Variants in RAB15 observed in about 807,000 individuals in gnomAD.
RAB15 encodes the protein RAB15, member RAS oncogene family.
In RAB15, 13 loss-of-function variants were observed where a neutral mutation model predicts 31.8. The observed-to-expected ratio is 0.41, with a 90% CI of 0.27 to 0.65. The LOEUF (loss-of-function observed/expected upper bound fraction) is 0.65. Among genes scored for constraint, RAB15 ranks in the 30% least tolerant of loss-of-function variants. The pLI, the probability that RAB15 is intolerant of heterozygous loss-of-function variation, is 0.32. For missense variants in RAB15, 220 were observed against 277.3 expected, an observed-to-expected ratio of 0.79 and a Z score of 1.47; for synonymous variants, 100 against 105.6, an observed-to-expected ratio of 0.95 and a Z score of 0.33.
Position 64,954,734 on chromosome 14 carries a change from ACC to A in RAB15, c.125-2165_125-2164del, listed in dbSNP as rs1886451327. Among the ~76,000 whole-genome samples, 1 of 152,172 alleles carries A rather than the reference ACC, an allele frequency of 6.6e-6. No individual in the cohort carries two copies. The highest frequency in any genetic ancestry group is 1.5e-5 in the Non-Finnish European group (1 of 68,044). ...CCAACACAGGTCCATCTATGCTGGA[ACC>A]CACGCTGCCCCTTGCGCTGGTTCTT... On this transcript the variant is annotated intron_variant, in intron 1 of 6. Coordinates refer to ENST00000533601, the MANE Select transcript of RAB15 (RefSeq NM_001308154.2). This position sits in a 1 kb window ranked among gnomAD's most constrained non-coding sequence, Gnocchi z 4.3.
chr14:64,955,642 C>G lies in RAB15; in HGVS notation c.125-3071G>C, dbSNP rs1172407076. On this transcript the variant is annotated intron_variant, in intron 1 of 6. Transcript: ENST00000533601. This position sits in a 1 kb window ranked among gnomAD's most constrained non-coding sequence, Gnocchi z 4.4. Reference sequence around the variant, plus strand: ...CTGTGCTCTCAGCAGGATACCTTCTCCACTGTTTTATGGCCCAGATGAATG... The same window carrying G: ...CTGTGCTCTCAGCAGGATACCTTCTGCACTGTTTTATGGCCCAGATGAATG... Among the ~76,000 whole-genome samples the G allele has an allele frequency of 6.6e-6, 1 of 152,240 alleles. No individual in the cohort carries two copies. The highest frequency in any genetic ancestry group is 2.1e-4 in the South Asian group (1 of 4,828).
Position 64,954,255 on chromosome 14 carries a change from G to T in RAB15, c.125-1684C>A, listed in dbSNP as rs941507145. 63 of 985,270 alleles carry T rather than the reference G, an allele frequency of 6.4e-5. 1 individual carries two copies. In the African/African-American group the frequency reaches 1.1e-3, roughly 17 times the overall value. The allele number at this position is 985,270 out of a possible 1,614,324, so 61.0% of individuals were successfully genotyped here. On this transcript the variant is annotated intron_variant, in intron 1 of 6. Coordinates refer to ENST00000533601, the MANE Select transcript of RAB15 (RefSeq NM_001308154.2). This position sits in a 1 kb window ranked among gnomAD's most constrained non-coding sequence, Gnocchi z 4.3. ...AAGAGTGAAGAGAAGGAGGGAGGAA[G>T]GGAGGAAGGAGAGAAGCATCAGGCC...
rs763995744 is a variant in RAB15, at chr14:64,952,487, G to GCCT, written c.185+21_185+23dup. On this transcript the variant is annotated intron_variant, in intron 2 of 6. Coordinates refer to ENST00000533601, the MANE Select transcript of RAB15 (RefSeq NM_001308154.2). The surrounding 1 kb of genome is among the most constrained non-coding windows in gnomAD (Gnocchi z 4.2). ...CCAGAAGTCCTCTTCTCCTACATCT[G>GCCT]CCTCCTCCTCCTCCCCAGCTCACCA... is the stretch of plus-strand genomic sequence containing the variant. The GCCT allele has an allele frequency of 1.7e-5, 27 of 1,587,808 alleles. No homozygotes were observed. Among genetic ancestry groups the GCCT allele is most frequent in the Non-Finnish European group, 2.3e-5 (27 of 1,156,892 alleles).
intron 1 of RAB15, among the ~76,000 whole-genome samples, chr14:64,964,499 A>G (rs936580680): frequency 1.3e-5 from 2 of 148,794 alleles, no homozygotes; most frequent in African/African-American, 5.0e-5. Context: ...CAGCCTGGTG[A>G]CAGAGCAAGA....
chr14:64,952,253 A>G lies in RAB15; in HGVS notation c.185+258T>C, dbSNP rs1162928552. Among the ~76,000 whole-genome samples, 21 of 152,244 alleles carry G rather than the reference A, an allele frequency of 1.4e-4. No homozygotes were observed. Among genetic ancestry groups the G allele is most frequent in the Admixed American group, 1.4e-3 (21 of 15,288 alleles). ...CAAGGGCAAAGCCTAATCCTGAGAT[A>G]AATTCACAATGGTTAGTGTGCCAGT... On this transcript the variant is annotated intron_variant, in intron 2 of 6. Coordinates refer to ENST00000533601, the MANE Select transcript of RAB15 (RefSeq NM_001308154.2). The surrounding 1 kb of genome is among the most constrained non-coding windows in gnomAD (Gnocchi z 4.2).
intron 1 of RAB15, among the ~76,000 whole-genome samples, chr14:64,959,147 C>G (rs1886726192): frequency 2.0e-5 from 3 of 152,202 alleles, no homozygotes; most frequent in Admixed American, 1.3e-4. Flanking sequence ...AGCGGAGAGG[C>G]CTAAGGATGA....
rs1555386885 is a variant in RAB15 at position 64,964,536 on chromosome 14, A to AAAG, written c.124+7414_124+7416dup. Reference sequence around the variant, plus strand: ...TCTGTTTCAAAAAAAAAAAAGAAAAAAAGAAAAAAGAAAGAAAAGAAAACA... The same window carrying AAAG: ...TCTGTTTCAAAAAAAAAAAAGAAAAAAAGAAGAAAAAAGAAAGAAAAGAAAACA... On this transcript the variant is annotated intron_variant, in intron 1 of 6. Transcript: ENST00000533601. Among the ~76,000 whole-genome samples, 20 of 150,900 alleles carry AAAG rather than the reference A, an allele frequency of 1.3e-4. 1 individual carries two copies. Among genetic ancestry groups the AAAG allele is most frequent in the African/African-American group, 4.9e-4 (20 of 40,568 alleles).
intron 1 of RAB15, among the ~76,000 whole-genome samples, chr14:64,960,061 C>T (rs1886772797): frequency 6.6e-6 from 1 of 152,146 alleles, no homozygotes; most frequent in Non-Finnish European, 1.5e-5. Flanking sequence ...CCATCCTCTT[C>T]CTGCTGTGAC....
At chr14:64,964,453 C>T (rs1232705002) in intron 1 of RAB15, among the ~76,000 whole-genome samples, 1 of 135,840 alleles carries the variant, frequency 7.4e-6, no homozygotes, top group Non-Finnish European at 1.5e-5. Context: ...ACCTGGGAGG[C>T]AGAGGTGGCA....
chr14:64,961,387 A>G (rs1299876608), intron 1 of RAB15, among the ~76,000 whole-genome samples: 1 of 152,222 alleles, frequency 6.6e-6, no homozygotes, highest in Non-Finnish European at 1.5e-5. Flanking sequence ...GTCCTCACCC[A>G]AATCTCATCT....
At position 64,955,184 on chromosome 14, in the gene RAB15, A is replaced by G. The variant is rs1481480847; in HGVS notation, c.125-2613T>C. On this transcript the variant is annotated intron_variant, in intron 1 of 6. Coordinates refer to ENST00000533601, the MANE Select transcript of RAB15 (RefSeq NM_001308154.2). The surrounding 1 kb of genome is among the most constrained non-coding windows in gnomAD (Gnocchi z 4.4). ...TTTGGCTATTCATATGCATTCACAT[A>G]TGATGGAAGAAACAGAGTAAGTCTA... is the stretch of plus-strand genomic sequence containing the variant. Among the ~76,000 whole-genome samples, 2 of 152,208 alleles carry G rather than the reference A, an allele frequency of 1.3e-5. No individual in the cohort carries two copies. Among genetic ancestry groups the G allele is most frequent in the Non-Finnish European group, 2.9e-5 (2 of 68,044 alleles).
rs377004736 is a variant in RAB15 at position 64,962,060 on chromosome 14, C to G, written c.125-9489G>C. Among the ~76,000 whole-genome samples, 14 of 151,928 alleles carry G rather than the reference C, an allele frequency of 9.2e-5. No individual in the cohort carries two copies. Among genetic ancestry groups the G allele is most frequent in the African/African-American group, 3.4e-4 (14 of 41,356 alleles). ...TGAAACCTTGTCTCTACTAAAAATA[C>G]AAAAATTAGCTGGTCGTGGTGGCAG... On this transcript the variant is annotated intron_variant, in intron 1 of 6. Coordinates refer to ENST00000533601, the MANE Select transcript of RAB15 (RefSeq NM_001308154.2). The surrounding 1 kb of genome is among the most constrained non-coding windows in gnomAD (Gnocchi z 4.2).
chr14:64,957,196 C>T (rs553447456), intron 1 of RAB15, among the ~76,000 whole-genome samples: 2 of 152,204 alleles, frequency 1.3e-5, no homozygotes, highest in East Asian at 1.9e-4. Context: ...CTCAGCTTCC[C>T]ACAGTGCTGG....
rs763853301 is a variant in RAB15 at position 64,952,614 on chromosome 14, C to T, written c.125-43G>A. The T allele has an allele frequency of 5.0e-5, 73 of 1,448,420 alleles. No homozygotes were observed. The highest frequency in any genetic ancestry group is 6.2e-5 in the Non-Finnish European group (64 of 1,036,976). The allele number at this position is 1,448,420 out of a possible 1,614,324, so 89.7% of individuals were successfully genotyped here. ...GAAAGAAAGTTAGAAAGCGTACCCA[C>T]GAGAAATGAACAGGAAAGGGCCAGG... On this transcript the variant is annotated intron_variant, in intron 1 of 6. Coordinates refer to ENST00000533601, the MANE Select transcript of RAB15 (RefSeq NM_001308154.2). This position sits in a 1 kb window ranked among gnomAD's most constrained non-coding sequence, Gnocchi z 4.2.
rs1566848576 is a variant in RAB15 at position 64,964,533 on chromosome 14, AAAAAAG to A, written c.124+7414_124+7419del. ...GACTCTGTTTCAAAAAAAAAAAAGA[AAAAAAG>A]AAAAAAGAAAGAAAAGAAAACAAAC... On this transcript the variant is annotated intron_variant, in intron 1 of 6. Transcript: ENST00000533601. Among the ~76,000 whole-genome samples, 303 of 151,712 alleles carry A rather than the reference AAAAAAG, an allele frequency of 2.0e-3. 3 individuals carry two copies. The highest frequency in any genetic ancestry group is 6.6e-3 in the African/African-American group (274 of 41,346).
rs934180018 is a variant in RAB15 at position 64,954,584 on chromosome 14, G to A, written c.125-2013C>T. The stretch of plus-strand genomic sequence containing the variant: ...GGGAACTTCCTATGTGCCCTGCACA[G>A]TGCTCAGTGCAGACAGAGCAGTGAA... On this transcript the variant is annotated intron_variant, in intron 1 of 6. Transcript: ENST00000533601. The surrounding 1 kb of genome is among the most constrained non-coding windows in gnomAD (Gnocchi z 4.3). The A allele has an allele frequency of 5.4e-6, 5 of 932,688 alleles. No individual in the cohort carries two copies. In the African/African-American group the frequency reaches 8.9e-5, roughly 17 times the overall value. 57.8% of individuals were successfully genotyped at this position (932,688 alleles called of 1,614,324 possible).
At chr14:64,967,279 A>G (rs2140002217) in intron 1 of RAB15, among the ~76,000 whole-genome samples, 1 of 152,334 alleles carries the variant, frequency 6.6e-6, no homozygotes, top group African/African-American at 2.4e-5. Context: ...AGGGAAGACT[A>G]AGGATGGGAG....
intron 1 of RAB15, among the ~76,000 whole-genome samples, chr14:64,965,256 G>A (rs558175273): frequency 4.5e-4 from 69 of 152,080 alleles, no homozygotes; most frequent in African/African-American, 1.7e-3. Flanking sequence ...TCAGAAGTTC[G>A]AGACCAGCCT....
intron 5 of RAB15, among the ~76,000 whole-genome samples, chr14:64,949,840 T>G (rs1204312763): frequency 4.6e-5 from 7 of 152,286 alleles, no homozygotes; most frequent in African/African-American, 1.4e-4. Flanking sequence ...CTCCTACCCT[T>G]TCTGCCCCCA....
Sources: gnomAD v4.1 joint callset for allele counts (sites outside exome capture counted in the v4.1 genomes callset) on GRCh38, gnomAD v4.1.1 for gene constraint, Gnocchi (gnomAD v3.1) non-coding constraint, MANE v1.5 for transcripts, NCBI Gene and HGNC (gene_info 2026-07-23, HGNC 2026-07-21) for gene names.